Variants in STK32A observed in about 807,000 individuals in gnomAD.
STK32A encodes serine/threonine kinase 32A.
STK32A carries 41 observed loss-of-function variants against 53.2 expected under a neutral mutation model. The observed-to-expected ratio is 0.77, with a 90% CI of 0.60 to 1.00. The LOEUF (loss-of-function observed/expected upper bound fraction) is 1.00, where lower values mean the gene tolerates loss of function less well. Ranked by LOEUF, STK32A falls within the 50% of genes least tolerant of loss-of-function variation. The pLI is 0.00. For missense variants in STK32A, 458 were observed against 485.8 expected, an observed-to-expected ratio of 0.94 and a Z score of 0.54; for synonymous variants, 166 against 162.8, an observed-to-expected ratio of 1.02 and a Z score of -0.15.
chr5:147,399,240 T>C, the STK32A span: 1 of 1,613,996 alleles, frequency 6.2e-7, no homozygotes, highest in Non-Finnish European at 8.5e-7. Context: ...TTTTCGTCCA[T>C]TTTCCCTGTG....
chr5:147,367,240 A>G (rs1251566298), intron 8 of STK32A, among the ~76,000 whole-genome samples: 1 of 151,584 alleles, frequency 6.6e-6, no homozygotes, highest in Admixed American at 6.6e-5. Flanking sequence ...AATTTTTTGT[A>G]TTTTTTGTAG....
At chr5:147,326,323 C>T (rs1298866664) in intron 5 of STK32A, among the ~76,000 whole-genome samples, 9 of 152,158 alleles carry the variant, frequency 5.9e-5, no homozygotes, top group African/African-American at 2.2e-4. Flanking sequence ...ACTGAAATGT[C>T]TCCTCACCAT....
intron 4 of STK32A, among the ~76,000 whole-genome samples, chr5:147,316,858 C>G (rs1339506803): frequency 4.3e-4 from 9 of 21,074 alleles, no homozygotes; most frequent in African/African-American, 6.4e-4. Flanking sequence ...CTGTTTCTGG[C>G]GAAAAAAAAA....
rs552554462 is a variant in STK32A at position 147,297,100 on chromosome 5, A to G, written c.260+17702A>G. 6.3e-4 allele frequency among the ~76,000 whole-genome samples: 96 copies of G among 152,348 alleles called. 1 individual carries two copies. The highest frequency in any genetic ancestry group is 6.8e-3 in the Middle Eastern group (2 of 294). On this transcript the variant is annotated intron_variant, in intron 4 of 12. Transcript: ENST00000397936. ...AAACCAATACACCTTAACCAAGGTT[A>G]TGTCTAAACCAAGGATCAACTAGGC...
intron 2 of STK32A, among the ~76,000 whole-genome samples, chr5:147,265,835 T>G (rs1754786835): frequency 6.6e-6 from 1 of 152,168 alleles, no homozygotes; most frequent in South Asian, 2.1e-4. Flanking sequence ...ACTGACTGTA[T>G]TTGAGAATGC....
chr5:147,318,806 C>T (rs988765975), intron 4 of STK32A, among the ~76,000 whole-genome samples: 4 of 151,418 alleles, frequency 2.6e-5, no homozygotes, highest in Admixed American at 2.6e-4. Context: ...CAGGCCAAAT[C>T]CATATGCTTT....
At chr5:147,268,611 C>T (rs1382094895) in intron 2 of STK32A, among the ~76,000 whole-genome samples, 2 of 152,126 alleles carry the variant, frequency 1.3e-5, no homozygotes, top group Non-Finnish European at 2.9e-5. Context: ...CAGCTTTATC[C>T]TGTTGGATGT....
intron 7 of STK32A, 145 bp from the exon 8 acceptor site, chr5:147,361,372 T>C (rs1756495944): frequency 1.5e-6 from 1 of 672,430 alleles, no homozygotes; most frequent in African/African-American, 1.8e-5. Context: ...TTGCCTGCTG[T>C]GAGCAATCTA....
intron 5 of STK32A, among the ~76,000 whole-genome samples, chr5:147,341,891 C>G (rs1357903200): frequency 1.3e-5 from 2 of 152,072 alleles, no homozygotes; most frequent in Non-Finnish European, 2.9e-5. Flanking sequence ...AAAAAATTCA[C>G]AGGAGAGCAC....
At chr5:147,370,436 A>G (rs1756957405) in intron 8 of STK32A, among the ~76,000 whole-genome samples, 1 of 152,184 alleles carries the variant, frequency 6.6e-6, no homozygotes. Flanking sequence ...ATGGTATTTT[A>G]GAAGCGACCA....
intron 4 of STK32A, among the ~76,000 whole-genome samples, chr5:147,323,092 A>C (rs981501107): frequency 6.6e-6 from 1 of 152,118 alleles, no homozygotes; most frequent in Non-Finnish European, 1.5e-5. Flanking sequence ...TGGCACCTGG[A>C]GAACGTTTTG....
chr5:147,246,122 A>T (rs1192787048), intron 2 of STK32A, among the ~76,000 whole-genome samples: 1 of 152,210 alleles, frequency 6.6e-6, no homozygotes, highest in Non-Finnish European at 1.5e-5. Flanking sequence ...TTGCATTAGA[A>T]TGGTTGGAAA....
intron 2 of STK32A, among the ~76,000 whole-genome samples, chr5:147,261,574 G>T (rs4705033): frequency 3.3e-5 from 5 of 151,900 alleles, no homozygotes; most frequent in Admixed American, 2.0e-4. Context: ...ATCAAAAAAG[G>T]TTGCTTTACG....
intron 4 of STK32A, among the ~76,000 whole-genome samples, chr5:147,283,629 T>C (rs1752177422): frequency 6.6e-6 from 1 of 151,898 alleles, no homozygotes; most frequent in African/African-American, 2.4e-5. Context: ...CTGACACCAC[T>C]GAAATACAAA....
chr5:147,260,944 C>T (rs1413661064), intron 2 of STK32A, among the ~76,000 whole-genome samples: 1 of 152,214 alleles, frequency 6.6e-6, no homozygotes, highest in African/African-American at 2.4e-5. Flanking sequence ...AGCACTTTAC[C>T]GGCTGCCGCG....
At chr5:147,375,422 C>G (rs949731810) in intron 11 of STK32A, 1 of 476,250 alleles carries the variant, frequency 2.1e-6, no homozygotes, top group African/African-American at 2.0e-5. Context: ...GTAGGCTTTC[C>G]GTCTAGAGTT....
chr5:147,241,249 CG>C (rs1561661997), intron 2 of STK32A, among the ~76,000 whole-genome samples: 1 of 152,124 alleles, frequency 6.6e-6, no homozygotes, highest in African/African-American at 2.4e-5. Flanking sequence ...GAGGCCGAGG[CG>C]GGCGGATCAC....
chr5:147,398,385 G>A, the STK32A span, among the ~76,000 whole-genome samples: 5 of 152,186 alleles, frequency 3.3e-5, no homozygotes, highest in South Asian at 2.1e-4. Flanking sequence ...TTCACCATTC[G>A]CTTGCTGCAC....
At chr5:147,303,766 G>A (rs577838194) in intron 4 of STK32A, among the ~76,000 whole-genome samples, 1 of 152,284 alleles carries the variant, frequency 6.6e-6, no homozygotes, top group East Asian at 1.9e-4. Context: ...AAGGGTTCAA[G>A]GAAGAAGTTG....
Sources: gnomAD v4.1 joint callset for allele counts (sites outside exome capture counted in the v4.1 genomes callset) on GRCh38, gnomAD v4.1.1 for gene constraint, MANE v1.5 for transcripts, NCBI Gene and HGNC (gene_info 2026-07-23, HGNC 2026-07-21) for gene names.